The following ADGRB3 variants were observed in gnomAD, a reference collection of about 807,000 sequenced individuals.
The protein encoded by ADGRB3 is adhesion G protein-coupled receptor B3, also known as brain-specific angiogenesis inhibitor 3.
In ADGRB3, 37 loss-of-function variants were observed where a neutral mutation model predicts 193.4. The observed-to-expected ratio is 0.19, with a 90% confidence interval of 0.15 to 0.25. The LOEUF is 0.25. Among genes scored for constraint, ADGRB3 ranks in the 10% least tolerant of loss-of-function variants. ADGRB3 has a pLI of 1.00. For synonymous variants in ADGRB3, 690 were observed against 644.2 expected, an observed-to-expected ratio of 1.07 and a Z score of -1.08; for missense variants, 1,637 against 1,852.9, an observed-to-expected ratio of 0.88 and a Z score of 2.14.
chr6:68,767,945 A>G (rs998583687), intron 3 of ADGRB3, among the ~76,000 whole-genome samples: 11 of 152,182 alleles, frequency 7.2e-5, no homozygotes, highest in Middle Eastern at 3.4e-3. Context: ...TCAAATTGCT[A>G]AAAAGAGAAT....
intron 3 of ADGRB3, among the ~76,000 whole-genome samples, chr6:68,681,981 A>G (rs1764905327): frequency 1.3e-5 from 2 of 152,204 alleles, no homozygotes; most frequent in South Asian, 4.1e-4. Context: ...GTCAAATAAT[A>G]GGAAGTTACT....
chr6:68,807,235 C>CTTTTTTTTTTT (rs771342538), intron 3 of ADGRB3, among the ~76,000 whole-genome samples: 7 of 100,198 alleles, frequency 7.0e-5, no homozygotes, highest in Non-Finnish European at 1.2e-4. Flanking sequence ...TTTCTTTTTT[C>CTTTTTTTTTTT]TTTTTTTTTT....
At chr6:68,849,695 A>G (rs1039630242) in intron 3 of ADGRB3, among the ~76,000 whole-genome samples, 2 of 151,704 alleles carry the variant, frequency 1.3e-5, no homozygotes, top group African/African-American at 4.9e-5. Flanking sequence ...CAATGTCACA[A>G]TTCACCTCTC....
chr6:68,772,914 TATATATATATATATATATACATAC>T (rs1562023461), intron 3 of ADGRB3, among the ~76,000 whole-genome samples: 4 of 60,344 alleles, frequency 6.6e-5, no homozygotes, highest in African/African-American at 3.9e-4. Flanking sequence ...TATATATATA[TATATATATATATATATATACATAC>T]ACACACAAAA....
intron 17 of ADGRB3, among the ~76,000 whole-genome samples, chr6:69,231,996 G>A (rs1017725585): frequency 2.0e-5 from 3 of 152,150 alleles, no homozygotes; most frequent in Non-Finnish European, 4.4e-5. Context: ...GAAATTGCAT[G>A]CATATTTAAC....
intron 17 of ADGRB3, among the ~76,000 whole-genome samples, chr6:69,102,607 G>C (rs576436583): frequency 1.3e-5 from 2 of 152,332 alleles, no homozygotes; most frequent in African/African-American, 4.8e-5. Flanking sequence ...TCTGAGTACA[G>C]GGTGATGTGA....
chr6:68,805,067 A>G (rs1767377265), intron 3 of ADGRB3, among the ~76,000 whole-genome samples: 2 of 152,066 alleles, frequency 1.3e-5, no homozygotes, highest in South Asian at 4.1e-4. Context: ...ACTTGGGACA[A>G]CAGACATGCA....
At chr6:68,790,028 A>G (rs1217856505) in intron 3 of ADGRB3, among the ~76,000 whole-genome samples, 5 of 151,922 alleles carry the variant, frequency 3.3e-5, no homozygotes, top group Admixed American at 3.3e-4. Flanking sequence ...ACTTCTCTGC[A>G]TTGGTTATTC....
rs74802157 is a variant in ADGRB3, at chr6:69,038,831, G to A, written c.2108-9354G>A. Among the ~76,000 whole-genome samples, 8 of 152,154 alleles carry A rather than the reference G, an allele frequency of 5.3e-5. No individual in the cohort carries two copies. In the East Asian group the frequency reaches 9.6e-4, roughly 18 times the overall value. The stretch of plus-strand genomic sequence containing the variant: ...CATCTTCAAAAATAGCCTGTTCAAG[G>A]TTCAGTAGTTCCTTCTTATGTAAGG... On this transcript the variant is annotated intron_variant, in intron 13 of 31. Coordinates refer to ENST00000370598, the MANE Select transcript of ADGRB3 (RefSeq NM_001704.3).
chr6:69,370,610 C>G (rs1409692257), intron 29 of ADGRB3, among the ~76,000 whole-genome samples: 1 of 152,094 alleles, frequency 6.6e-6, no homozygotes, highest in Non-Finnish European at 1.5e-5. Flanking sequence ...CATACCTGCT[C>G]TCAGAAACAG....
At chr6:69,347,612 T>C (rs886556142) in intron 26 of ADGRB3, among the ~76,000 whole-genome samples, 13 of 151,808 alleles carry the variant, frequency 8.6e-5, no homozygotes, top group Non-Finnish European at 8.8e-5. Flanking sequence ...CCCACATCTC[T>C]ACAAAAAAAA....
At chr6:68,767,464 G>A (rs1477090726) in intron 3 of ADGRB3, among the ~76,000 whole-genome samples, 2 of 152,114 alleles carry the variant, frequency 1.3e-5, no homozygotes, top group Admixed American at 6.6e-5. Flanking sequence ...ATTAGATGGA[G>A]AAAATGTCTT....
At chr6:69,014,547 C>A (rs547238833) in intron 12 of ADGRB3, among the ~76,000 whole-genome samples, 2 of 151,934 alleles carry the variant, frequency 1.3e-5, no homozygotes, top group East Asian at 3.9e-4. Context: ...AAAAATCAGG[C>A]CTCACCAAAA....
chr6:69,208,548 T>A lies in ADGRB3; in HGVS notation c.2481-24742T>A, dbSNP rs551527289. Among the ~76,000 whole-genome samples, 315 of 152,344 alleles carry A rather than the reference T, an allele frequency of 2.1e-3. 1 individual carries two copies. Among genetic ancestry groups the A allele is most frequent in the African/African-American group, 7.2e-3 (301 of 41,572 alleles). On this transcript the variant is annotated intron_variant, in intron 17 of 31. Coordinates refer to ENST00000370598, the MANE Select transcript of ADGRB3 (RefSeq NM_001704.3). The stretch of plus-strand genomic sequence containing the variant: ...CCGTCACTGCTATCCTTCAGGGATG[T>A]CCTAGAAAGGGGCTGTCATGCTGCA...
chr6:68,763,154 G>A (rs562710988), intron 3 of ADGRB3, among the ~76,000 whole-genome samples: 9 of 147,884 alleles, frequency 6.1e-5, no homozygotes, highest in African/African-American at 2.0e-4. Flanking sequence ...GCAATGGCAC[G>A]ATCTTGGCTC....
intron 20 of ADGRB3, among the ~76,000 whole-genome samples, chr6:69,253,522 C>G (rs564744657): frequency 1.3e-5 from 2 of 151,982 alleles, no homozygotes; most frequent in Admixed American, 1.3e-4. Context: ...GATGAGGATG[C>G]TGAGAAAGAA....
At chr6:69,304,752 T>C (rs1768029028) in intron 20 of ADGRB3, among the ~76,000 whole-genome samples, 1 of 151,572 alleles carries the variant, frequency 6.6e-6, no homozygotes. Context: ...AACCTTTCTT[T>C]TCTCAGTTTA....
chr6:69,069,166 A>T (rs1277186693), intron 16 of ADGRB3, among the ~76,000 whole-genome samples: 7 of 152,148 alleles, frequency 4.6e-5, no homozygotes. Flanking sequence ...ATGGAACAGT[A>T]CTTATCATAA....
chr6:68,729,416 CAG>C, intron 3 of ADGRB3, among the ~76,000 whole-genome samples: 1 of 151,732 alleles, frequency 6.6e-6, no homozygotes, highest in East Asian at 1.9e-4. Context: ...TCAAGATAAA[CAG>C]AAAGAGTGCT....
Sources: gnomAD v4.1 joint callset for allele counts (sites outside exome capture counted in the v4.1 genomes callset) on GRCh38, gnomAD v4.1.1 for gene constraint, MANE v1.5 for transcripts, NCBI Gene and HGNC (gene_info 2026-07-23, HGNC 2026-07-21) for gene names.